KIAA1217: variants seen among roughly 807,000 people sequenced by gnomAD.
The protein encoded by KIAA1217 is KIAA1217, also known as sickle tail protein homolog.
In KIAA1217, 88 loss-of-function variants were observed where a neutral mutation model predicts 163.9. The ratio of observed to expected loss-of-function variants is 0.54; its 90% CI spans 0.45 to 0.64. The LOEUF (loss-of-function observed/expected upper bound fraction) is 0.64. Among genes scored for constraint, KIAA1217 ranks in the 30% least tolerant of loss-of-function variants. The probability of loss-of-function intolerance (pLI) is 0.00; values close to 1 mark genes in which losing one functional copy is unlikely to be tolerated. For missense variants in KIAA1217, 2,372 were observed against 2,475.0 expected (o/e 0.96, Z 0.88); for synonymous variants, 903 against 923.1 (o/e 0.98, Z 0.39).
chr10:23,866,784 A>G lies in KIAA1217; in HGVS notation c.-320-140441A>G, dbSNP rs182007103. 3.0e-4 allele frequency among the ~76,000 whole-genome samples: 45 copies of G among 152,200 alleles called. 1 individual carries two copies. Among genetic ancestry groups the G allele is most frequent in the African/African-American group, 8.4e-4 (35 of 41,562 alleles). ...ACAGCAGAGACAACACAAGTTGGCC[A>G]TACATTATAGAGCTCTTCTCTTTGG... is the stretch of plus-strand genomic sequence containing the variant. On this transcript the variant is annotated intron_variant, in intron 1 of 18. Coordinates refer to the KIAA1217 transcript ENST00000376462.
At chr10:23,743,776 T>C (rs1839250473) in intron 1 of KIAA1217, among the ~76,000 whole-genome samples, 1 of 152,152 alleles carries the variant, frequency 6.6e-6, no homozygotes. Context: ...CAGGATAAAA[T>C]ATAGCCAGTA....
chr10:23,999,961 G>A (rs1194425966), intron 1 of KIAA1217, among the ~76,000 whole-genome samples: 1 of 152,126 alleles, frequency 6.6e-6, no homozygotes, highest in Non-Finnish European at 1.5e-5. Flanking sequence ...CAGCTACTCA[G>A]GAGGCTGAGT....
intron 2 of KIAA1217, among the ~76,000 whole-genome samples, chr10:24,092,712 G>A (rs1258845496): frequency 6.6e-6 from 1 of 151,606 alleles, no homozygotes; most frequent in Non-Finnish European, 1.5e-5. Context: ...CAAAAACCTA[G>A]GAATGGGAAA....
chr10:24,209,058 A>G, upstream of KIAA1217: 1 of 676,224 alleles, frequency 1.5e-6, no homozygotes. Context: ...CCGGAGTGGA[A>G]AATAGTTTGG....
intron 1 of KIAA1217, among the ~76,000 whole-genome samples, chr10:23,987,323 G>A (rs1226089946): frequency 1.7e-4 from 25 of 144,934 alleles, no homozygotes; most frequent in Non-Finnish European, 3.1e-4. Flanking sequence ...CTTGCAGTGA[G>A]CTGAGATTGC....
At chr10:24,528,926 G>A (rs1288912136) in intron 14 of KIAA1217, among the ~76,000 whole-genome samples, 2 of 152,042 alleles carry the variant, frequency 1.3e-5, no homozygotes, top group Non-Finnish European at 2.9e-5. Flanking sequence ...GAAGTTAAAT[G>A]CCAACATGTG....
chr10:24,136,721 C>A (rs2063845594), intron 2 of KIAA1217, among the ~76,000 whole-genome samples: 1 of 152,160 alleles, frequency 6.6e-6, no homozygotes, highest in Non-Finnish European at 1.5e-5. Flanking sequence ...ACAAGGAAAA[C>A]CTCCATCTCC....
At chr10:24,300,662 G>T (rs1195236940) in intron 2 of KIAA1217, among the ~76,000 whole-genome samples, 1 of 152,078 alleles carries the variant, frequency 6.6e-6, no homozygotes, top group Non-Finnish European at 1.5e-5. Context: ...CCACCTCCTG[G>T]GTTCAAGCAA....
At chr10:23,699,894 T>C (rs574172167) in intron 1 of KIAA1217, among the ~76,000 whole-genome samples, 17 of 152,370 alleles carry the variant, frequency 1.1e-4, no homozygotes, top group African/African-American at 4.1e-4. Context: ...ACCAAGTGTT[T>C]CTTGCTCACT....
chr10:24,175,783 G>C (rs914210949), intron 2 of KIAA1217, among the ~76,000 whole-genome samples: 11 of 152,250 alleles, frequency 7.2e-5, no homozygotes, highest in African/African-American at 1.9e-4. Context: ...GAGTGTTACA[G>C]TTCTTAAGGT....
At chr10:24,305,548 G>A (rs220363) in intron 2 of KIAA1217, among the ~76,000 whole-genome samples, 1 of 152,082 alleles carries the variant, frequency 6.6e-6, no homozygotes, top group Non-Finnish European at 1.5e-5. Flanking sequence ...GCTTTAAACT[G>A]TAAACTAAAT....
intron 2 of KIAA1217, among the ~76,000 whole-genome samples, chr10:24,010,536 C>T (rs1264508654): frequency 6.6e-6 from 1 of 150,520 alleles, no homozygotes; most frequent in Non-Finnish European, 1.5e-5. Flanking sequence ...TACTGTAGAT[C>T]TTCCCCCCCT....
chr10:24,536,992 C>CT (rs2135264018), intron 17 of KIAA1217, 99 bp downstream of exon 17: 1 of 1,376,888 alleles, frequency 7.3e-7, no homozygotes, highest in South Asian at 1.4e-5. Context: ...TCCCCTCTGT[C>CT]TTTTTTCTCT....
intron 1 of KIAA1217, among the ~76,000 whole-genome samples, chr10:24,216,539 T>C (rs962151790): frequency 2.0e-5 from 3 of 151,972 alleles, no homozygotes; most frequent in Non-Finnish European, 2.9e-5. Flanking sequence ...TAAAAGTCAA[T>C]AGCATTGCTG....
chr10:24,321,210 A>C (rs1255192452), intron 2 of KIAA1217, among the ~76,000 whole-genome samples: 2 of 152,126 alleles, frequency 1.3e-5, no homozygotes, highest in Non-Finnish European at 2.9e-5. Context: ...ATATTTGTAC[A>C]TCCACGTTCA....
At chr10:23,771,974 T>C (rs146921374) in intron 1 of KIAA1217, among the ~76,000 whole-genome samples, 5 of 152,346 alleles carry the variant, frequency 3.3e-5, no homozygotes, top group South Asian at 2.1e-4. Flanking sequence ...ACCTCAAGTG[T>C]TGAACATTTA....
rs986085429 is a variant in KIAA1217, at chr10:24,255,519, G to A, written c.354+35610G>A. On this transcript the variant is annotated intron_variant, in intron 2 of 20. Transcript: ENST00000376454. ...CATGAAGACCCATGTCTGCCCTTCT[G>A]TAGAAGGGCCAAAGAAGAAAGGAGG... The A allele has an allele frequency of 5.3e-5, 24 of 455,704 alleles. No homozygotes were observed. The Admixed American group carries it at 5.6e-4, about 11-fold the overall frequency. 28.2% of individuals were successfully genotyped at this position (455,704 alleles called of 1,614,324 possible).
chr10:23,931,560 C>T (rs994021954), intron 1 of KIAA1217, among the ~76,000 whole-genome samples: 15 of 152,120 alleles, frequency 9.9e-5, no homozygotes, highest in African/African-American at 3.6e-4. Flanking sequence ...AATCTTCCTG[C>T]ACCCTCCCAA....
At chr10:24,275,691 T>G (rs777040577) in intron 2 of KIAA1217, 2 of 516,414 alleles carry the variant, frequency 3.9e-6, no homozygotes, top group Non-Finnish European at 8.0e-6. Flanking sequence ...GCAAGATTGA[T>G]GCTGTTGGTT....
Sources: gnomAD v4.1 joint callset for allele counts (sites outside exome capture counted in the v4.1 genomes callset) on GRCh38, gnomAD v4.1.1 for gene constraint, MANE v1.5 for transcripts, NCBI Gene and HGNC (gene_info 2026-07-23, HGNC 2026-07-21) for gene names.